The following HS6ST3 variants were observed in gnomAD, a reference collection of about 807,000 sequenced individuals.
HS6ST3 encodes the protein heparan-sulfate 6-O-sulfotransferase 3.
Under a neutral mutation model 36.7 loss-of-function variants are expected in HS6ST3, and 12 were observed. That is an observed-to-expected ratio of 0.33 (90% CI 0.21 to 0.53). The LOEUF (loss-of-function observed/expected upper bound fraction) is 0.53. Ranked by LOEUF, HS6ST3 falls within the 20% of genes least tolerant of loss-of-function variation. HS6ST3 has a pLI of 0.95. For missense variants in HS6ST3, 584 were observed against 640.9 expected (o/e 0.91, Z 0.96); for synonymous variants, 240 against 257.5 (o/e 0.93, Z 0.65).
chr13:96,538,035 G>A (rs1246149029), intron 1 of HS6ST3, among the ~76,000 whole-genome samples: 1 of 152,154 alleles, frequency 6.6e-6, no homozygotes, highest in Non-Finnish European at 1.5e-5. Flanking sequence ...TGAAGGTTAT[G>A]CTTCACCTAT....
intron 1 of HS6ST3, among the ~76,000 whole-genome samples, chr13:96,544,838 T>G (rs1446278285): frequency 6.6e-6 from 1 of 152,170 alleles, no homozygotes; most frequent in African/African-American, 2.4e-5. Context: ...AGGAAGTGAC[T>G]TGGGCACTGG....
chr13:96,312,375 TGTC>T (rs1771245221), intron 1 of HS6ST3, among the ~76,000 whole-genome samples: 1 of 152,206 alleles, frequency 6.6e-6, no homozygotes, highest in African/African-American at 2.4e-5. Flanking sequence ...GTGATTACAT[TGTC>T]GTCAGTGAAT....
intron 1 of HS6ST3, among the ~76,000 whole-genome samples, chr13:96,239,926 T>G (rs1218085602): frequency 1.3e-5 from 2 of 152,168 alleles, no homozygotes; most frequent in African/African-American, 4.8e-5. Flanking sequence ...TTTAATGCAA[T>G]AGAAAAGCAA....
intron 1 of HS6ST3, among the ~76,000 whole-genome samples, chr13:96,540,654 T>C (rs1471846480): frequency 6.6e-6 from 1 of 152,234 alleles, no homozygotes; most frequent in East Asian, 1.9e-4. Flanking sequence ...ATTACTAACA[T>C]GCTCTTGTAA....
At chr13:96,367,990 G>A (rs2055271353) in intron 1 of HS6ST3, among the ~76,000 whole-genome samples, 1 of 152,140 alleles carries the variant, frequency 6.6e-6, no homozygotes, top group Non-Finnish European at 1.5e-5. Flanking sequence ...AATGTACGAA[G>A]TCGAAGAAAG....
At chr13:96,527,439 C>T (rs79093756) in intron 1 of HS6ST3, among the ~76,000 whole-genome samples, 2,110 of 152,224 alleles carry the variant, frequency 0.014, 30 homozygotes, top group Middle Eastern at 0.058. Context: ...TCTCATGTAG[C>T]TTATATTTGA....
At chr13:96,315,819 G>A (rs573021146) in intron 1 of HS6ST3, among the ~76,000 whole-genome samples, 2 of 152,158 alleles carry the variant, frequency 1.3e-5, no homozygotes, top group South Asian at 2.1e-4. Context: ...CATTTGAATA[G>A]GTAAAATAGA....
intron 1 of HS6ST3, among the ~76,000 whole-genome samples, chr13:96,694,119 G>C (rs1255470667): frequency 6.6e-6 from 1 of 152,094 alleles, no homozygotes; most frequent in East Asian, 1.9e-4. Context: ...AGTCACCCAA[G>C]TATTAAGCCT....
At chr13:96,586,858 A>G (rs980413542) in intron 1 of HS6ST3, among the ~76,000 whole-genome samples, 2 of 152,116 alleles carry the variant, frequency 1.3e-5, no homozygotes, top group Non-Finnish European at 2.9e-5. Flanking sequence ...TTGGGGTCAT[A>G]TTTAAAAAGT....
intron 1 of HS6ST3, among the ~76,000 whole-genome samples, chr13:96,325,496 C>T (rs1183470883): frequency 2.0e-5 from 3 of 152,102 alleles, no homozygotes; most frequent in African/African-American, 7.2e-5. Context: ...CAAATAGTTG[C>T]CATGCAACTG....
intron 1 of HS6ST3, among the ~76,000 whole-genome samples, chr13:96,492,764 G>A: frequency 6.6e-6 from 1 of 152,076 alleles, no homozygotes; most frequent in East Asian, 1.9e-4. Context: ...TTCCTTTTGG[G>A]ATCTTTCCTC....
chr13:96,356,855 G>A (rs750534120), intron 1 of HS6ST3, among the ~76,000 whole-genome samples: 18 of 152,144 alleles, frequency 1.2e-4, no homozygotes, highest in Non-Finnish European at 1.6e-4. Flanking sequence ...ATCCTAGATG[G>A]TATTCTTTTC....
intron 1 of HS6ST3, among the ~76,000 whole-genome samples, chr13:96,262,979 A>G (rs2054673957): frequency 6.6e-6 from 1 of 152,218 alleles, no homozygotes; most frequent in Non-Finnish European, 1.5e-5. Flanking sequence ...TCTTAAGTGC[A>G]TAAAATAAAA....
At chr13:96,487,180 G>T (rs2055919523) in intron 1 of HS6ST3, among the ~76,000 whole-genome samples, 1 of 151,968 alleles carries the variant, frequency 6.6e-6, no homozygotes, top group African/African-American at 2.4e-5. Context: ...GACTCCTTTT[G>T]TGTGTTTTTT....
intron 1 of HS6ST3, among the ~76,000 whole-genome samples, chr13:96,559,364 C>A (rs141532120): frequency 7.2e-5 from 11 of 152,166 alleles, no homozygotes; most frequent in Non-Finnish European, 1.3e-4. Context: ...AGTGATCCAC[C>A]CACCTTGGCC....
chr13:96,745,497 T>C (rs1438232232), intron 1 of HS6ST3, among the ~76,000 whole-genome samples: 3 of 152,106 alleles, frequency 2.0e-5, no homozygotes, highest in Non-Finnish European at 4.4e-5. Context: ...CTTCAGAAGC[T>C]ATGTGTGAAA....
At chr13:96,110,597 C>T (rs958334212) in intron 1 of HS6ST3, among the ~76,000 whole-genome samples, 8 of 151,902 alleles carry the variant, frequency 5.3e-5, no homozygotes, top group African/African-American at 9.7e-5. Context: ...CCACCATGCC[C>T]GGCTAATTTT....
intron 1 of HS6ST3, among the ~76,000 whole-genome samples, chr13:96,368,779 C>T (rs1239404537): frequency 6.6e-6 from 1 of 152,118 alleles, no homozygotes; most frequent in African/African-American, 2.4e-5. Flanking sequence ...GGAGATTCAA[C>T]TGGAGTAAGT....
intron 1 of HS6ST3, among the ~76,000 whole-genome samples, chr13:96,255,946 A>G (rs2054634779): frequency 6.6e-6 from 1 of 152,212 alleles, no homozygotes; most frequent in African/African-American, 2.4e-5. Flanking sequence ...TTCCTTCACA[A>G]ATAAACTCAC....
Sources: gnomAD v4.1 joint callset for allele counts (sites outside exome capture counted in the v4.1 genomes callset) on GRCh38, gnomAD v4.1.1 for gene constraint, MANE v1.5 for transcripts, NCBI Gene and HGNC (gene_info 2026-07-23, HGNC 2026-07-21) for gene names.